PRKAG3: variants seen among roughly 807,000 people sequenced by gnomAD.
PRKAG3 encodes the protein 5'-AMP-activated protein kinase subunit gamma-3.
In PRKAG3, 39 loss-of-function variants were observed where a neutral mutation model predicts 56.5. That is an observed-to-expected ratio of 0.69 (90% CI 0.53 to 0.90). The LOEUF (loss-of-function observed/expected upper bound fraction) is 0.90, where lower values mean the gene tolerates loss of function less well. Among genes scored for constraint, PRKAG3 ranks in the 40% least tolerant of loss-of-function variants. The probability of loss-of-function intolerance (pLI) is 0.00; values close to 1 mark genes in which losing one functional copy is unlikely to be tolerated. For synonymous variants in PRKAG3, 243 were observed against 250.1 expected (o/e 0.97, Z 0.27); for missense variants, 628 against 627.5 (o/e 1.00, Z -0.01).
downstream of PRKAG3, chr2:218,822,422 T>C (rs1383852457): frequency 2.0e-5 from 3 of 152,218 alleles, no homozygotes; most frequent in Non-Finnish European, 4.4e-5. Context: ...CCATTTTCCT[T>C]CTAGTCTTTG....
Position 218,830,868 on chromosome 2 carries a change from G to A in PRKAG3, c.107C>T (p.Ser36Leu), listed in dbSNP as rs150476519. ...GCTGGTCACAGCTGGTGATGGCCATGAGCTGCTGTTTTCTTGCTCTAGGAA... is the reference window on the plus strand; with the variant it reads ...GCTGGTCACAGCTGGTGATGGCCATAAGCTGCTGTTTTCTTGCTCTAGGAA... Residue 36 changes from serine to leucine, a missense_variant, in exon 3 of 13, where the codon TCA (serine) becomes TTA (leucine). By Grantham distance (145) the Ser-to-Leu change is moderately radical. Transcript: ENST00000529249. The A allele has an allele frequency of 4.3e-6, 7 of 1,613,908 alleles. No homozygotes were observed. The East Asian group carries it at 1.1e-4, about 26-fold the overall frequency.
chr2:218,830,342 T>G (rs771364726), exon 4 of PRKAG3: 1 of 1,609,266 alleles, frequency 6.2e-7, no homozygotes, highest in Non-Finnish European at 8.5e-7. Context: ...GAATGTGGCC[T>G]CCAGCCCGGT....
chr2:218,831,468 C>A, intron 1 of PRKAG3, 93 bp from the exon 2 acceptor site: 1 of 1,189,782 alleles, frequency 8.4e-7, no homozygotes. Context: ...CCCATGCACA[C>A]CAATACACAC....
exon 13 of PRKAG3, chr2:218,823,802 A>C: frequency 6.2e-7 from 1 of 1,614,154 alleles, no homozygotes; most frequent in South Asian, 1.1e-5. Context: ...GCTGAGCACC[A>C]GTGCCTGAAG....
intron 10 of PRKAG3, among the ~76,000 whole-genome samples, chr2:218,826,286 T>G (rs1460443762): frequency 6.6e-6 from 1 of 152,204 alleles, no homozygotes; most frequent in African/African-American, 2.4e-5. Context: ...TGAAAACACT[T>G]CTTGATATCT....
At chr2:218,830,063 A>G (rs1294256337) in exon 4 of PRKAG3, 1 of 1,613,758 alleles carries the variant, frequency 6.2e-7, no homozygotes, top group Non-Finnish European at 8.5e-7. Context: ...GCGCATGTAG[A>G]TCTGGGCGCC....
rs6706738 is a variant in PRKAG3 at position 218,827,410 on chromosome 2, A to G, written c.876-37T>C. The G allele has an allele frequency of 0.033, 52,541 of 1,613,570 alleles. 12,814 individuals are homozygous for G. The African/African-American group carries it at 0.57, about 18-fold the overall frequency. ...GGAGCAGTGAGCCTCGGGGCAGCCT[A>G]GGGAGAGACAACCTCCATCCCAGGC... On this transcript the variant is annotated intron_variant, in intron 8 of 12. Coordinates refer to ENST00000529249, the Ensembl canonical transcript of PRKAG3. This position sits in a 1 kb window ranked among gnomAD's most constrained non-coding sequence, Gnocchi z 5.3.
intron 3 of PRKAG3, 86 bp downstream of exon 3, chr2:218,830,660 G>C: frequency 2.7e-6 from 4 of 1,480,482 alleles, no homozygotes; most frequent in South Asian, 1.3e-5. Flanking sequence ...GTTATGGAGG[G>C]ACCTGAGGTA....
chr2:218,830,103 G>C (rs1201815093), exon 4 of PRKAG3: 1 of 1,612,898 alleles, frequency 6.2e-7, no homozygotes, highest in African/African-American at 1.3e-5. Flanking sequence ...TCCCAGCCCA[G>C]CTTGGGAAAT....
intron 2 of PRKAG3, 134 bp from the exon 3 acceptor site, chr2:218,831,035 C>A: frequency 8.6e-7 from 1 of 1,156,668 alleles, no homozygotes; most frequent in Non-Finnish European, 1.3e-6. Flanking sequence ...TTAAAACTTA[C>A]AGCAGCCTTA....
At position 218,831,393 on chromosome 2, in the gene PRKAG3, T is replaced by G. The variant is rs929963388; in HGVS notation, c.34-18A>C. On this transcript the variant is annotated intron_variant, in intron 1 of 12. Coordinates refer to ENST00000529249, the Ensembl canonical transcript of PRKAG3. Reference sequence around the variant, plus strand: ...GAAGGGGTCTGTGGGGAGAAGAGTTTCTGAAGGAGTGGGGAAAGTGCCTTA... The same window carrying G: ...GAAGGGGTCTGTGGGGAGAAGAGTTGCTGAAGGAGTGGGGAAAGTGCCTTA... 1 of 1,593,384 alleles carries G rather than the reference T, an allele frequency of 6.3e-7. No homozygotes were observed. The highest frequency in any genetic ancestry group is 1.1e-5 in the South Asian group (1 of 87,268).
intron 4 of PRKAG3, among the ~76,000 whole-genome samples, chr2:218,828,919 G>C (rs770521580): frequency 3.9e-5 from 6 of 152,216 alleles, no homozygotes; most frequent in Non-Finnish European, 8.8e-5. Context: ...TGTGTGTACA[G>C]ACACAGTCTA....
At chr2:218,826,283 A>G (rs1334544950) in intron 10 of PRKAG3, among the ~76,000 whole-genome samples, 1 of 152,184 alleles carries the variant, frequency 6.6e-6, no homozygotes, top group Non-Finnish European at 1.5e-5. Context: ...AATTGAAAAC[A>G]CTTCTTGATA....
At chr2:218,823,843 A>G (rs1157085745) in exon 13 of PRKAG3, 1 of 1,614,078 alleles carries the variant, frequency 6.2e-7, no homozygotes, top group Non-Finnish European at 8.5e-7. Context: ...CGCCCAAGAG[A>G]TGCTGGGTCT....
chr2:218,823,800 C>T lies in PRKAG3; in HGVS notation c.1432G>A (p.Val478Met), dbSNP rs201623810. 9.2e-5 allele frequency: 148 copies of T among 1,614,022 alleles called. 7 individuals carry two copies. The highest frequency in any genetic ancestry group is 1.8e-4 in the Admixed American group (11 of 60,006). ...GCATCGATGCCAGCAGGGCTGAGCA[C>T]CAGTGCCTGAAGGATGTCGGAGAGG... Residue 478 changes from valine to methionine, a missense_variant, in exon 13 of 13, where the codon GTG (valine) becomes ATG (methionine). By Grantham distance (21) the Val-to-Met change is conservative. Coordinates refer to ENST00000529249, the Ensembl canonical transcript of PRKAG3.
intron 12 of PRKAG3, 150 bp downstream of exon 12, chr2:218,824,072 C>T (rs543982154): frequency 2.3e-5 from 31 of 1,354,358 alleles, no homozygotes; most frequent in Non-Finnish European, 2.9e-5. Context: ...GCCCCATGGA[C>T]AGGACCAGGT....
chr2:218,828,400 C>T, intron 5 of PRKAG3, 119 bp downstream of exon 5: 1 of 1,135,762 alleles, frequency 8.8e-7, no homozygotes, highest in Non-Finnish European at 1.2e-6. Context: ...ACCCTGGCCC[C>T]TGGCTGGGCT....
In PRKAG3 at chr2:218,828,065, G is replaced by A; in HGVS notation, c.716-3C>T. The A allele has an allele frequency of 7.1e-7, 1 of 1,405,632 alleles. No individual in the cohort carries two copies. The highest frequency in any genetic ancestry group is 9.2e-7 in the Non-Finnish European group (1 of 1,082,050). 87.1% of individuals were successfully genotyped at this position (1,405,632 alleles called of 1,614,324 possible). A position where few individuals can be genotyped will look rare whatever the true frequency, so the allele number is the denominator to read the frequency against. ...GAAGTCAGTGATGGTCAGCATCCCT[G>A]CAGGGAGGGGCGGGGAGGAGGTCAG... is the stretch of plus-strand genomic sequence containing the variant. On this transcript the variant is annotated splice_polypyrimidine_tract_variant and splice_region_variant and intron_variant, in intron 5 of 12. Transcript: ENST00000529249.
At position 218,827,037 on chromosome 2, in the gene PRKAG3, G is replaced by C. The variant is rs200781652; in HGVS notation, c.1059C>G (p.Ile353Met). The stretch of plus-strand genomic sequence containing the variant: ...CCACAGCCAAGTCTCGGAATGTGCC[G>C]ATGCCCAAATCTTGGATAGTGCGGT... The change falls in exon 10 of 13, where the codon ATC (isoleucine) becomes ATG (methionine). Residue 353 changes from isoleucine (I) to methionine (M), a missense_variant. By Grantham distance (10) the Ile-to-Met change is conservative. Transcript: ENST00000529249. The surrounding 1 kb of genome is among the most constrained non-coding windows in gnomAD (Gnocchi z 5.3). 1.9e-6 allele frequency: 3 copies of C among 1,613,926 alleles called. No individual in the cohort carries two copies. Among genetic ancestry groups the C allele is most frequent in the South Asian group, 2.2e-5 (2 of 91,078 alleles).
Sources: allele counts gnomAD v4.1 joint callset (sites outside exome capture counted in the v4.1 genomes callset), GRCh38; gene constraint gnomAD v4.1.1; non-coding constraint Gnocchi (gnomAD v3.1); transcripts MANE v1.5; gene names NCBI Gene and HGNC (gene_info 2026-07-23, HGNC 2026-07-21).